The following ECPAS variants were observed in gnomAD, a reference collection of about 807,000 sequenced individuals.
ECPAS encodes the protein proteasome adapter and scaffold protein ECM29.
ECPAS carries 70 observed loss-of-function variants against 255.1 expected under a neutral mutation model. The observed-to-expected ratio is 0.27, with a 90% CI of 0.23 to 0.33. ECPAS has a LOEUF of 0.33. Among genes scored for constraint, ECPAS ranks in the 10% least tolerant of loss-of-function variants. ECPAS has a pLI of 1.00. For missense variants in ECPAS, 1,817 were observed against 2,206.4 expected (o/e 0.82, Z 3.54); for synonymous variants, 784 against 775.0 (o/e 1.01, Z -0.19).
intron 39 of ECPAS, 48 bp from the exon 40 acceptor site, chr9:111,373,454 T>C (rs1405603807): frequency 6.7e-7 from 1 of 1,489,238 alleles, no homozygotes; most frequent in African/African-American, 1.4e-5. Context: ...TGACCAAATG[T>C]TCCACTCTGT....
At chr9:111,397,545 C>A (rs1178814611) in intron 24 of ECPAS, among the ~76,000 whole-genome samples, 1 of 152,160 alleles carries the variant, frequency 6.6e-6, no homozygotes, top group South Asian at 2.1e-4. Context: ...CTTCTATGAG[C>A]CTCAAAAACT....
At chr9:111,436,186 T>C (rs999425162) in intron 7 of ECPAS, among the ~76,000 whole-genome samples, 2 of 152,108 alleles carry the variant, frequency 1.3e-5, no homozygotes, top group Non-Finnish European at 2.9e-5. Flanking sequence ...CAATGGTCAC[T>C]TACATTTCCC....
At chr9:111,408,518 AAG>A in intron 24 of ECPAS, 51 bp downstream of exon 24, 4 of 1,158,230 alleles carry the variant, frequency 3.5e-6, no homozygotes, top group South Asian at 1.7e-5. Flanking sequence ...AAAAAAAAAA[AAG>A]ACCAATGCCT....
chr9:111,424,912 G>A lies in ECPAS; in HGVS notation c.1215+506C>T, dbSNP rs183267286. 1.3e-3 allele frequency among the ~76,000 whole-genome samples: 203 copies of A among 152,328 alleles called. 1 individual carries two copies. Among genetic ancestry groups the A allele is most frequent in the African/African-American group, 4.5e-3 (188 of 41,576 alleles). On this transcript the variant is annotated intron_variant, in intron 12 of 49. Transcript: ENST00000684092. ...AGGCTGGGCATGGTGGCTCATGCCT[G>A]TAATCCCAGCACTTAGGGAGGCCGA...
chr9:111,376,650 AT>A (rs1283553827), intron 36 of ECPAS, 109 bp from the exon 37 acceptor site: 7 of 808,234 alleles, frequency 8.7e-6, no homozygotes, highest in East Asian at 2.7e-5. Context: ...TTAAAAAAAA[AT>A]AATCCGTAGC....
At chr9:111,370,684 A>C (rs1458425836) in intron 44 of ECPAS, 38 bp downstream of exon 44, 2 of 1,605,818 alleles carry the variant, frequency 1.2e-6, no homozygotes, top group East Asian at 4.5e-5. Context: ...TTTCGGGTCC[A>C]GTTTAAGAAA....
At chr9:111,443,400 G>C (rs189342344) in intron 4 of ECPAS, among the ~76,000 whole-genome samples, 11 of 151,976 alleles carry the variant, frequency 7.2e-5, no homozygotes, top group Admixed American at 2.6e-4. Context: ...ACAGGCACGC[G>C]CCACCACGCC....
chr9:111,379,506 G>T (rs1238197396), intron 35 of ECPAS, among the ~76,000 whole-genome samples: 1 of 152,230 alleles, frequency 6.6e-6, no homozygotes, highest in Non-Finnish European at 1.5e-5. Context: ...AATCAGGGTG[G>T]TGTTTGCTGA....
At chr9:111,432,795 C>T (rs565740280) in intron 8 of ECPAS, among the ~76,000 whole-genome samples, 4 of 152,232 alleles carry the variant, frequency 2.6e-5, no homozygotes, top group African/African-American at 7.2e-5. Flanking sequence ...TGTATCTCCT[C>T]GTGTGTGAAT....
intron 31 of ECPAS, 104 bp downstream of exon 31, chr9:111,389,451 TA>T: frequency 9.6e-7 from 1 of 1,042,624 alleles, no homozygotes; most frequent in Non-Finnish European, 1.3e-6. Context: ...TTTAAACAAG[TA>T]AACATAAAAA....
At chr9:111,404,869 T>C (rs1207709459) in intron 24 of ECPAS, among the ~76,000 whole-genome samples, 1 of 113,664 alleles carries the variant, frequency 8.8e-6, no homozygotes, top group Non-Finnish European at 1.8e-5. Flanking sequence ...AAGCAAAAGA[T>C]CTCTGTACTG....
intron 2 of ECPAS, among the ~76,000 whole-genome samples, chr9:111,464,563 G>A (rs893144230): frequency 6.6e-6 from 1 of 152,064 alleles, no homozygotes; most frequent in African/African-American, 2.4e-5. Context: ...ACATGAGAAG[G>A]AATAAATTAT....
At chr9:111,466,337 C>CA (rs1330392850) in intron 2 of ECPAS, among the ~76,000 whole-genome samples, 1 of 151,932 alleles carries the variant, frequency 6.6e-6, no homozygotes, top group Non-Finnish European at 1.5e-5. Flanking sequence ...CCCAGCTACT[C>CA]AGGAGGCTGA....
Position 111,392,880 on chromosome 9 carries a change from G to A in ECPAS, c.2980C>T (p.Leu994Phe). The A allele has an allele frequency of 6.2e-7, 1 of 1,600,566 alleles. No homozygotes were observed. The highest frequency in any genetic ancestry group is 8.5e-7 in the Non-Finnish European group (1 of 1,173,208). Residue 994 changes from leucine to phenylalanine, a missense_variant and splice_region_variant, in exon 28 of 50, where the codon CTT becomes TTT. Transcript: ENST00000684092. ...FVSVLSENDE[L>F]SQDVASKGLG... ...CCCTTTGATGCAACATCTTGGCTAA[G>A]TTCTACAAGAAAGTCAGACAAGATT... is the stretch of plus-strand genomic sequence containing the variant.
At position 111,388,998 on chromosome 9, in the gene ECPAS, A is replaced by T. The variant is rs1252392150; in HGVS notation, c.3447+558T>A. Among the ~76,000 whole-genome samples the T allele has an allele frequency of 6.6e-5, 10 of 152,354 alleles. No individual in the cohort carries two copies. In the East Asian group the frequency reaches 1.9e-3, roughly 29 times the overall value. On this transcript the variant is annotated intron_variant, in intron 31 of 49. Transcript: ENST00000684092. The stretch of plus-strand genomic sequence containing the variant: ...AAGTGCAAGTGACATCTGGACCAAA[A>T]GTGTAAGGTTGGGAACTTTCACAAT...
At chr9:111,443,090 C>A (rs1029808202) in intron 4 of ECPAS, among the ~76,000 whole-genome samples, 1 of 152,136 alleles carries the variant, frequency 6.6e-6, no homozygotes, top group Non-Finnish European at 1.5e-5. Flanking sequence ...GTAAGTATAA[C>A]GTAAATATTC....
chr9:111,445,557 G>C (rs983149561), intron 3 of ECPAS, among the ~76,000 whole-genome samples: 1 of 152,060 alleles, frequency 6.6e-6, no homozygotes, highest in Non-Finnish European at 1.5e-5. Context: ...GAAGGTATGG[G>C]GCACACTGCA....
At chr9:111,414,905 T>C (rs10115054) in intron 18 of ECPAS, among the ~76,000 whole-genome samples, 4,250 of 152,312 alleles carry the variant, frequency 0.028, 207 homozygotes, top group African/African-American at 0.096. Context: ...AGCTGGAGGC[T>C]GTTATCCTTA....
intron 16 of ECPAS, 83 bp downstream of exon 16, chr9:111,419,934 C>T: frequency 9.7e-7 from 1 of 1,027,760 alleles, no homozygotes; most frequent in Non-Finnish European, 1.5e-6. Context: ...CATAGACCAA[C>T]ATTGTAAACA....
Sources: gnomAD v4.1 joint callset for allele counts (sites outside exome capture counted in the v4.1 genomes callset) on GRCh38, gnomAD v4.1.1 for gene constraint, MANE v1.5 for transcripts, NCBI Gene and HGNC (gene_info 2026-07-23, HGNC 2026-07-21) for gene names.